The following SLC9A9 variants were observed in gnomAD, a reference collection of about 807,000 sequenced individuals.
SLC9A9 encodes the protein sodium/hydrogen exchanger 9.
In SLC9A9, 62 loss-of-function variants were observed where a neutral mutation model predicts 77.8. The ratio of observed to expected loss-of-function variants is 0.80; its 90% CI spans 0.65 to 0.98. The LOEUF (loss-of-function observed/expected upper bound fraction) is 0.98. Among genes scored for constraint, SLC9A9 ranks in the 50% least tolerant of loss-of-function variants. The probability of loss-of-function intolerance (pLI) is 0.00; values close to 1 mark genes in which losing one functional copy is unlikely to be tolerated. For missense variants in SLC9A9, 775 were observed against 774.9 expected (o/e 1.00, Z 0.00); for synonymous variants, 320 against 283.5 (o/e 1.13, Z -1.29).
At chr3:143,378,239 G>A (rs572412414) in intron 13 of SLC9A9, among the ~76,000 whole-genome samples, 6 of 152,316 alleles carry the variant, frequency 3.9e-5, no homozygotes, top group African/African-American at 7.2e-5. Context: ...CGTTAGTGCC[G>A]TAGGAGTGGG....
chr3:143,408,869 T>A (rs1216647943), intron 12 of SLC9A9, among the ~76,000 whole-genome samples: 4 of 152,220 alleles, frequency 2.6e-5, no homozygotes, highest in African/African-American at 9.6e-5. Flanking sequence ...TTTGCCATCA[T>A]TTTATTTGGA....
At chr3:143,289,590 T>C (rs1938479865) in intron 14 of SLC9A9, among the ~76,000 whole-genome samples, 1 of 152,082 alleles carries the variant, frequency 6.6e-6, no homozygotes, top group Non-Finnish European at 1.5e-5. Context: ...CTCTTTCCTC[T>C]CCCTTCTGCA....
In SLC9A9 at chr3:143,268,855, G is replaced by C; in HGVS notation, c.1710+20C>G. On this transcript the variant is annotated intron_variant, in intron 15 of 15. Transcript: ENST00000316549. ...CCACAAGGGATATTCCCTCACCCTA[G>C]AGGCCTGAGATTTACTTACCCCATA... The C allele has an allele frequency of 6.4e-7, 1 of 1,571,408 alleles. No individual in the cohort carries two copies. The highest frequency in any genetic ancestry group is 8.7e-7 in the Non-Finnish European group (1 of 1,146,324).
chr3:143,596,282 C>T (rs559636026), intron 6 of SLC9A9, among the ~76,000 whole-genome samples: 1 of 152,266 alleles, frequency 6.6e-6, no homozygotes, highest in South Asian at 2.1e-4. Flanking sequence ...CTAATCTCTT[C>T]TCAACGTGTG....
At chr3:143,391,866 A>G (rs1251331212) in intron 12 of SLC9A9, among the ~76,000 whole-genome samples, 1 of 152,240 alleles carries the variant, frequency 6.6e-6, no homozygotes, top group African/African-American at 2.4e-5. Flanking sequence ...TGAAGATCAG[A>G]TGAATGAAAT....
intron 8 of SLC9A9, among the ~76,000 whole-genome samples, chr3:143,572,757 C>T (rs1211355601): frequency 1.3e-5 from 2 of 152,112 alleles, no homozygotes; most frequent in Admixed American, 6.5e-5. Context: ...TTGAAGCCAA[C>T]GGGAATAGCT....
rs528174388 is a variant in SLC9A9 at position 143,740,504 on chromosome 3, A to G, written c.534-47197T>C. ...AATAATGTTTTTGAAATCATAGTTC[A>G]GTAGGCTAGTTATATGTTTCTTCTA... is the stretch of plus-strand genomic sequence containing the variant. On this transcript the variant is annotated intron_variant, in intron 4 of 15. Transcript: ENST00000316549. Among the ~76,000 whole-genome samples, 19 of 152,336 alleles carry G rather than the reference A, an allele frequency of 1.2e-4. 2 individuals carry two copies. In the South Asian group the frequency reaches 3.7e-3, roughly 30 times the overall value.
intron 5 of SLC9A9, among the ~76,000 whole-genome samples, chr3:143,667,095 C>T (rs887096647): frequency 3.9e-5 from 6 of 152,304 alleles, no homozygotes; most frequent in African/African-American, 4.8e-5. Flanking sequence ...TGCAAGGCTA[C>T]AGTAACTAAA....
intron 6 of SLC9A9, among the ~76,000 whole-genome samples, chr3:143,619,818 C>A (rs2038169437): frequency 6.6e-6 from 1 of 152,154 alleles, no homozygotes. Flanking sequence ...ACAGAAGAGG[C>A]CAAGTAATAA....
chr3:143,292,846 G>A lies in SLC9A9; in HGVS notation c.1605-23866C>T, dbSNP rs192690772. Among the ~76,000 whole-genome samples the A allele has an allele frequency of 2.2e-3, 336 of 152,264 alleles. 3 individuals are homozygous for A. Among genetic ancestry groups the A allele is most frequent in the African/African-American group, 7.7e-3 (321 of 41,542 alleles). On this transcript the variant is annotated intron_variant, in intron 14 of 15. Coordinates refer to ENST00000316549, the MANE Select transcript of SLC9A9 (RefSeq NM_173653.4). ...TATATGATCCCCGATCCCTCTGCAC[G>A]TTGATGACACTGTTCTGGCTGTAGC... is the stretch of plus-strand genomic sequence containing the variant.
rs946706894 is a variant in SLC9A9, at chr3:143,265,993, T to C, written c.*709A>G. 1.3e-5 allele frequency: 9 copies of C among 694,608 alleles called. No individual in the cohort carries two copies. In the African/African-American group the frequency reaches 1.4e-4, roughly 11 times the overall value. 43.0% of individuals were successfully genotyped at this position (694,608 alleles called of 1,614,324 possible). A position where few individuals can be genotyped will look rare whatever the true frequency, so the allele number is the denominator to read the frequency against. On this transcript the variant is annotated 3_prime_UTR_variant, in exon 16 of 16. Transcript: ENST00000316549. ...GTGGTATGGGGAGAAGAAACCTGGTTTTCTTGGAATGGTCCTACTAAGCTT... is the reference window on the plus strand; with the variant it reads ...GTGGTATGGGGAGAAGAAACCTGGTCTTCTTGGAATGGTCCTACTAAGCTT...
In SLC9A9 at chr3:143,578,631, G is replaced by A; in HGVS notation, c.848C>T (p.Ala283Val). The A allele has an allele frequency of 6.2e-7, 1 of 1,614,106 alleles. No individual in the cohort carries two copies. The highest frequency in any genetic ancestry group is 8.5e-7 in the Non-Finnish European group (1 of 1,179,952). ...CGCAGACCCCATTGCAAATGAGCCAGCGAAGATTCCCAGGAAATTCCCCAC... is the reference window on the plus strand; with the variant it reads ...CGCAGACCCCATTGCAAATGAGCCAACGAAGATTCCCAGGAAATTCCCCAC... ...QSVGNFLGIF[A>V]GSFAMGSAYA... Residue 283 changes from alanine to valine, a missense_variant, in exon 7 of 16, where the codon GCT (alanine) becomes GTT (valine). By Grantham distance (64) the Ala-to-Val change is moderately conservative. Transcript: ENST00000316549.
At position 143,547,053 on chromosome 3, in the gene SLC9A9, A is replaced by G. The variant is rs543485781; in HGVS notation, c.1089+5309T>C. On this transcript the variant is annotated intron_variant, in intron 9 of 15. Transcript: ENST00000316549. ...TCAGCAGCATTTGGTATAATTCATT[A>G]TGCTCCTTGAGACACTCTTCTTTTG... is the stretch of plus-strand genomic sequence containing the variant. Among the ~76,000 whole-genome samples the G allele has an allele frequency of 2.0e-5, 3 of 152,276 alleles. No individual in the cohort carries two copies. The East Asian group carries it at 5.8e-4, about 29-fold the overall frequency.
intron 1 of SLC9A9, among the ~76,000 whole-genome samples, chr3:143,839,776 C>T (rs1440409781): frequency 6.6e-6 from 1 of 152,124 alleles, no homozygotes; most frequent in Admixed American, 6.5e-5. Flanking sequence ...ACAGAAGAAA[C>T]ATAGAAATAG....
At chr3:143,401,084 G>T (rs2033845521) in intron 12 of SLC9A9, among the ~76,000 whole-genome samples, 1 of 152,186 alleles carries the variant, frequency 6.6e-6, no homozygotes, top group Non-Finnish European at 1.5e-5. Flanking sequence ...GACCAATGCA[G>T]ATGGCATCAA....
chr3:143,826,506 CTT>C (rs2009304447), intron 2 of SLC9A9, among the ~76,000 whole-genome samples: 1 of 152,126 alleles, frequency 6.6e-6, no homozygotes, highest in Admixed American at 6.6e-5. Context: ...TCATCTGTCT[CTT>C]TGCTTTCACT....
At chr3:143,772,938 C>T (rs1394805550) in intron 4 of SLC9A9, among the ~76,000 whole-genome samples, 1 of 152,080 alleles carries the variant, frequency 6.6e-6, no homozygotes, top group African/African-American at 2.4e-5. Context: ...CATGGTTGGA[C>T]ACAGGAGAAA....
chr3:143,600,121 C>T (rs2037821682), intron 6 of SLC9A9, among the ~76,000 whole-genome samples: 1 of 151,910 alleles, frequency 6.6e-6, no homozygotes, highest in African/African-American at 2.4e-5. Context: ...TGGTGGTTTG[C>T]TGCACCCATC....
chr3:143,574,661 CAGA>C (rs936760256), intron 7 of SLC9A9, among the ~76,000 whole-genome samples: 5 of 152,282 alleles, frequency 3.3e-5, no homozygotes, highest in Admixed American at 2.6e-4. Flanking sequence ...GAAGTAGGAT[CAGA>C]AGAAGAAGTT....
Sources: allele counts gnomAD v4.1 joint callset (sites outside exome capture counted in the v4.1 genomes callset), GRCh38; gene constraint gnomAD v4.1.1; transcripts MANE v1.5; gene names NCBI Gene and HGNC (gene_info 2026-07-23, HGNC 2026-07-21).